Variants in HTR3D observed in about 807,000 individuals in gnomAD.
HTR3D encodes the protein 5-hydroxytryptamine receptor 3D, also known as 5-hydroxytryptamine (serotonin) receptor 3 family member D.
Under a neutral mutation model 45.8 loss-of-function variants are expected in HTR3D, and 47 were observed. The ratio of observed to expected loss-of-function variants is 1.03; its 90% CI spans 0.81 to 1.31. The LOEUF (loss-of-function observed/expected upper bound fraction) is 1.31, where lower values mean the gene tolerates loss of function less well. HTR3D is among the 50% of genes most tolerant of loss of function. The probability of loss-of-function intolerance (pLI) is 0.00; values close to 1 mark genes in which losing one functional copy is unlikely to be tolerated. For missense variants in HTR3D, 448 were observed against 506.9 expected (o/e 0.88, Z 1.12); for synonymous variants, 203 against 199.8 (o/e 1.02, Z -0.13).
chr3:184,032,885 C>T, intron 1 of HTR3D: 1 of 1,552,102 alleles, frequency 6.4e-7, no homozygotes, highest in Non-Finnish European at 8.7e-7. Flanking sequence ...TCAGTCTCTG[C>T]TCACTACAGG....
At chr3:184,032,691 A>G (rs1230769219) in intron 1 of HTR3D, 2 of 674,888 alleles carry the variant, frequency 3.0e-6, no homozygotes, top group East Asian at 5.4e-5. Flanking sequence ...GCATGGGGAC[A>G]AAACAATGGC....
At chr3:184,037,889 G>T in intron 5 of HTR3D, 132 bp from the exon 6 acceptor site, 1 of 1,102,550 alleles carries the variant, frequency 9.1e-7, no homozygotes. Context: ...AAGACCGGAT[G>T]CTGAAAGGGA....
chr3:184,038,240 G>C lies in HTR3D; in HGVS notation c.736G>C (p.Val246Leu), dbSNP rs750540603. The C allele has an allele frequency of 3.8e-5, 61 of 1,614,212 alleles. No homozygotes were observed. The highest frequency in any genetic ancestry group is 5.2e-5 in the Non-Finnish European group (61 of 1,180,040). The change falls in exon 6 of 8, where the codon GTA becomes CTA. Residue 246 changes from valine to leucine, a missense_variant. Physicochemically the swap from Val to Leu is conservative, Grantham distance 32 (BLOSUM62 1). Transcript: ENST00000428798. The surrounding 1 kb of genome is among the most constrained non-coding windows in gnomAD (Gnocchi z 4.5). ...ATSTSSHASL[V>L]RPHPSRDQKR... Reference sequence around the variant, plus strand: ...TAGCACTTCATCACATGCTTCACTAGTACGTCCTCATCCATCAAGAGACCA... The same window carrying C: ...TAGCACTTCATCACATGCTTCACTACTACGTCCTCATCCATCAAGAGACCA...
At chr3:184,032,793 G>A in intron 1 of HTR3D, 2 of 1,433,702 alleles carry the variant, frequency 1.4e-6, no homozygotes, top group Non-Finnish European at 9.6e-7. Flanking sequence ...GGAAGGAGGA[G>A]CTCACATGCT....
intron 1 of HTR3D, 76 bp downstream of exon 1, chr3:184,031,883 A>G (rs1722758621): frequency 2.0e-6 from 2 of 1,009,848 alleles, no homozygotes; most frequent in Non-Finnish European, 1.5e-6. Flanking sequence ...AATATTTTTT[A>G]TTCTGAGATA....
Position 184,038,822 on chromosome 3 carries a change from G to A in HTR3D, c.1062G>A (p.Trp354Ter), listed in dbSNP as rs778787768. ...GEAELTGGSE[W>*]TRAQREHEAQ... ...CAGAGCTGACAGGGGGCTCAGAATG[G>A]ACAAGGGCCCAGCGGGAACACGAGG... The change falls in exon 8 of 8, where the codon TGG (tryptophan) becomes TGA (stop). Residue 354 changes from tryptophan (W) to a stop codon, truncating the protein, a stop_gained. Transcript: ENST00000428798. LOFTEE classifies it high-confidence loss of function. The surrounding 1 kb of genome is among the most constrained non-coding windows in gnomAD (Gnocchi z 4.5). The A allele has an allele frequency of 1.2e-6, 2 of 1,614,106 alleles. No individual in the cohort carries two copies. Among genetic ancestry groups the A allele is most frequent in the East Asian group, 4.5e-5 (2 of 44,872 alleles).
At chr3:184,037,999 C>A in intron 5 of HTR3D, 22 bp from the exon 6 acceptor site, 1 of 1,610,160 alleles carries the variant, frequency 6.2e-7, no homozygotes. Context: ...TCTCACTTGC[C>A]CCTCCTTCTC....
In HTR3D at chr3:184,038,674, G is replaced by A; in HGVS notation, c.985+50G>A. 6.3e-7 allele frequency: 1 copy of A among 1,574,862 alleles called. No individual in the cohort carries two copies. Among genetic ancestry groups the A allele is most frequent in the African/African-American group, 1.4e-5 (1 of 73,880 alleles). The stretch of plus-strand genomic sequence containing the variant: ...CCCCCACCTCCACTTCTCTGCTCCT[G>A]CCTCCTTCCCTGTCTCCCTCCCTCC... On this transcript the variant is annotated intron_variant, in intron 7 of 7. Coordinates refer to ENST00000428798, the MANE Select transcript of HTR3D (RefSeq NM_001145143.1). The surrounding 1 kb of genome is among the most constrained non-coding windows in gnomAD (Gnocchi z 4.5).
At chr3:184,035,388 G>A (rs942788058) in intron 2 of HTR3D, among the ~76,000 whole-genome samples, 166 bp downstream of exon 2, 1 of 152,158 alleles carries the variant, frequency 6.6e-6, no homozygotes, top group Non-Finnish European at 1.5e-5. Context: ...TTATTCTGCT[G>A]GTTTAGGAGG....
intron 2 of HTR3D, 102 bp from the exon 3 acceptor site, chr3:184,035,913 G>A (rs577196536): frequency 2.5e-6 from 3 of 1,202,474 alleles, no homozygotes; most frequent in African/African-American, 1.5e-5. Context: ...GGCTGGTCCT[G>A]AACTCCTGAC....
At position 184,036,071 on chromosome 3, in the gene HTR3D, A is replaced by G. The variant is rs1430401027; in HGVS notation, c.168A>G (p.Leu56=). 1.9e-5 allele frequency: 30 copies of G among 1,551,504 alleles called. No homozygotes were observed. The highest frequency in any genetic ancestry group is 2.4e-5 in the Non-Finnish European group (27 of 1,146,936). ...IKKSGMATEN[L]WLSDVFIEES... ...AGTCCGGCATGGCAACTGAGAACCT[A>G]TGGCTTTCAGATGTCTTCATCGAGG... The change falls in exon 3 of 8, where the codon CTA becomes CTG. Residue 56 remains leucine (L), a synonymous_variant. Coordinates refer to ENST00000428798, the MANE Select transcript of HTR3D (RefSeq NM_001145143.1).
chr3:184,038,503 C>G lies in HTR3D; in HGVS notation c.864C>G (p.Pro288=), dbSNP rs879137576. The G allele has an allele frequency of 3.1e-6, 5 of 1,614,028 alleles. No homozygotes were observed. The South Asian group carries it at 5.5e-5, about 18-fold the overall frequency. ...THLLHVATTQ[P]LPLPRWLHSL... ...TGCTGCACGTGGCCACCACCCAGCC[C>G]CTACCTCTGCCTCGGTGGCTCCACT... The change falls in exon 7 of 8, where the codon CCC becomes CCG. Residue 288 remains proline (P), a synonymous_variant. Coordinates refer to ENST00000428798, the MANE Select transcript of HTR3D (RefSeq NM_001145143.1). The surrounding 1 kb of genome is among the most constrained non-coding windows in gnomAD (Gnocchi z 4.5).
chr3:184,037,352 T>G (rs1404771051), intron 5 of HTR3D, among the ~76,000 whole-genome samples: 3 of 152,162 alleles, frequency 2.0e-5, no homozygotes, highest in Non-Finnish European at 2.9e-5. Flanking sequence ...TGTCACTTTT[T>G]TCACTGATAA....
chr3:184,038,130 G>A lies in HTR3D; in HGVS notation c.626G>A (p.Ser209Asn). 6.2e-7 allele frequency: 1 copy of A among 1,614,196 alleles called. No homozygotes were observed. Among genetic ancestry groups the A allele is most frequent in the Non-Finnish European group, 8.5e-7 (1 of 1,180,034 alleles). ...CTCAGTTTCTACCTGCCACTGGAAA[G>A]TGGGAATTGTGCCCCATTCAAGATG... ...DALSFYLPLESGNCAPFKMTV... is the reference protein window; with the variant it reads ...DALSFYLPLENGNCAPFKMTV... The change falls in exon 6 of 8, where the codon AGT becomes AAT. Residue 209 changes from serine to asparagine, a missense_variant. Coordinates refer to ENST00000428798, the MANE Select transcript of HTR3D (RefSeq NM_001145143.1). The surrounding 1 kb of genome is among the most constrained non-coding windows in gnomAD (Gnocchi z 4.5).
At chr3:184,033,886 T>C (rs554179593) in intron 1 of HTR3D, among the ~76,000 whole-genome samples, 2 of 152,164 alleles carry the variant, frequency 1.3e-5, no homozygotes, top group Admixed American at 6.5e-5. Context: ...CACTGCACTC[T>C]AGCCTGGGTG....
At position 184,039,246 on chromosome 3, in the gene HTR3D, C is replaced by G. The variant is rs1305043960; in HGVS notation, c.*271C>G. 5.2e-6 allele frequency: 2 copies of G among 383,294 alleles called. No individual in the cohort carries two copies. The highest frequency in any genetic ancestry group is 9.3e-6 in the Non-Finnish European group (2 of 215,456). The allele number at this position is 383,294 out of a possible 1,614,324, so 23.7% of individuals were successfully genotyped here. A position where few individuals can be genotyped will look rare whatever the true frequency, so the allele number is the denominator to read the frequency against. On this transcript the variant is annotated 3_prime_UTR_variant, in exon 8 of 8. Transcript: ENST00000428798. ...TAGGGTACGTCCTTGATTAAATCAC[C>G]CCAATATGCCCCTTTGCAGAAAGTA...
chr3:184,034,265 C>A (rs1255185502), intron 1 of HTR3D, among the ~76,000 whole-genome samples: 1 of 152,092 alleles, frequency 6.6e-6, no homozygotes, highest in Admixed American at 6.6e-5. Flanking sequence ...TACTATGCAG[C>A]CTTCAAATGG....
chr3:184,034,947 G>T (rs1004930916), intron 1 of HTR3D: 5 of 963,022 alleles, frequency 5.2e-6, no homozygotes, highest in Non-Finnish European at 7.3e-6. Flanking sequence ...GGTAAAATCT[G>T]TTCTTTTTGG....
chr3:184,038,023 G>A lies in HTR3D; in HGVS notation c.519G>A (p.Val173=), dbSNP rs1722957404. 1 of 1,613,268 alleles carries A rather than the reference G, an allele frequency of 6.2e-7. No homozygotes were observed. Among genetic ancestry groups the A allele is most frequent in the East Asian group, 2.2e-5 (1 of 44,828 alleles). Residue 173 remains valine (V), a splice_region_variant and synonymous_variant, in exon 6 of 8, where the codon GTG becomes GTA. Transcript: ENST00000428798. This position sits in a 1 kb window ranked among gnomAD's most constrained non-coding sequence, Gnocchi z 4.5. ...CCCCTCCTTCTCCTCCCCACCAGGT[G>A]GCCATCAGGCGCAGGTGCAGGCCCA... ...TNQYEQAIFH[V]AIRRRCRPSP...
Sources: allele counts gnomAD v4.1 joint callset (sites outside exome capture counted in the v4.1 genomes callset), GRCh38; gene constraint gnomAD v4.1.1; non-coding constraint Gnocchi (gnomAD v3.1); transcripts MANE v1.5; gene names NCBI Gene and HGNC (gene_info 2026-07-23, HGNC 2026-07-21).